Variants in EML6 observed in about 807,000 individuals in gnomAD.
The protein encoded by EML6 is EMAP like 6, also known as echinoderm microtubule-associated protein-like 6.
In EML6, 154 loss-of-function variants were observed where a neutral mutation model predicts 240.1. The ratio of observed to expected loss-of-function variants is 0.64; its 90% CI spans 0.56 to 0.73. The LOEUF (loss-of-function observed/expected upper bound fraction) is 0.73. EML6 is among the 30% of genes least tolerant of loss of function. The pLI, the probability that EML6 is intolerant of heterozygous loss-of-function variation, is 0.00. For synonymous variants in EML6, 1,148 were observed against 899.0 expected (o/e 1.28, Z -4.95); for missense variants, 2,964 against 2,474.6 (o/e 1.20, Z -4.20).
chr2:54,758,474 G>C (rs541314160), intron 2 of EML6, among the ~76,000 whole-genome samples: 141 of 152,168 alleles, frequency 9.3e-4, no homozygotes, highest in Non-Finnish European at 6.3e-4. Flanking sequence ...TCTCATCTTT[G>C]CTTCACTGTC....
chr2:54,891,469 T>G (rs1190992448), intron 18 of EML6, among the ~76,000 whole-genome samples: 2 of 152,188 alleles, frequency 1.3e-5, no homozygotes, highest in African/African-American at 4.8e-5. Context: ...AATAATCATT[T>G]TGGTTGAGTG....
chr2:54,789,397 C>T (rs936635795), intron 2 of EML6, among the ~76,000 whole-genome samples: 11 of 150,920 alleles, frequency 7.3e-5, no homozygotes, highest in African/African-American at 2.2e-4. Context: ...GCCTGTAGTC[C>T]CAGCTACTCG....
At chr2:54,746,952 A>C (rs1388870129) in intron 2 of EML6, among the ~76,000 whole-genome samples, 1 of 152,206 alleles carries the variant, frequency 6.6e-6, no homozygotes, top group Non-Finnish European at 1.5e-5. Flanking sequence ...TTTTTACTGA[A>C]TGTCAATTAC....
At chr2:54,767,597 AGTGTGT>A (rs111232633) in intron 2 of EML6, among the ~76,000 whole-genome samples, 267 of 145,552 alleles carry the variant, frequency 1.8e-3, no homozygotes, top group Middle Eastern at 0.014. Context: ...TGGTATGAAG[AGTGTGT>A]GTGTGTGTGT....
At chr2:54,900,198 G>A (rs185923079) in intron 22 of EML6, among the ~76,000 whole-genome samples, 1 of 152,298 alleles carries the variant, frequency 6.6e-6, no homozygotes, top group East Asian at 1.9e-4. Flanking sequence ...GAGTAAATAT[G>A]TCTTGAACAC....
In EML6 at chr2:54,879,656, G is replaced by A. The variant is rs748537427; in HGVS notation, c.2438+16G>A. The A allele has an allele frequency of 3.5e-6, 5 of 1,444,708 alleles. No individual in the cohort carries two copies. The South Asian group carries it at 6.1e-5, about 18-fold the overall frequency. The allele number at this position is 1,444,708 out of a possible 1,614,324, so 89.5% of individuals were successfully genotyped here. Reference sequence around the variant, plus strand: ...CCACAACAAGGTAAGAAGCTGCCGGGATCTTACGGTATCCTGCTGATACCA... The same window carrying A: ...CCACAACAAGGTAAGAAGCTGCCGGAATCTTACGGTATCCTGCTGATACCA... On this transcript the variant is annotated intron_variant, in intron 17 of 41. Transcript: ENST00000356458.
chr2:54,893,872 A>G (rs770122480), intron 19 of EML6, among the ~76,000 whole-genome samples: 1 of 152,152 alleles, frequency 6.6e-6, no homozygotes, highest in Non-Finnish European at 1.5e-5. Context: ...ATTGGTACAT[A>G]TGTTTTTGGT....
At chr2:54,951,052 T>C (rs1675949772) in intron 30 of EML6, among the ~76,000 whole-genome samples, 1 of 152,060 alleles carries the variant, frequency 6.6e-6, no homozygotes, top group African/African-American at 2.4e-5. Flanking sequence ...CCGACAGCCA[T>C]GGAGAAAAGC....
At chr2:54,804,541 G>T (rs980684321) in intron 2 of EML6, among the ~76,000 whole-genome samples, 1 of 152,172 alleles carries the variant, frequency 6.6e-6, no homozygotes, top group Non-Finnish European at 1.5e-5. Context: ...ATGTGACATA[G>T]CCATCAGACA....
intron 22 of EML6, 32 bp downstream of exon 22, chr2:54,899,814 G>T: frequency 6.6e-7 from 1 of 1,526,456 alleles, no homozygotes; most frequent in Non-Finnish European, 8.9e-7. Flanking sequence ...ATCTGTCAGA[G>T]TATTTACAAG....
intron 26 of EML6, among the ~76,000 whole-genome samples, chr2:54,923,494 C>T (rs981169930): frequency 6.6e-6 from 1 of 151,730 alleles, no homozygotes; most frequent in Non-Finnish European, 1.5e-5. Context: ...CTGTTGTACA[C>T]CTTGAATATA....
chr2:54,820,493 C>G (rs1351769967), intron 5 of EML6, 31 bp downstream of exon 5: 1 of 1,280,844 alleles, frequency 7.8e-7, no homozygotes, highest in African/African-American at 1.5e-5. Flanking sequence ...ATTTTGGTAC[C>G]TTGAGTGCAA....
intron 19 of EML6, among the ~76,000 whole-genome samples, chr2:54,893,788 G>T (rs1357567223): frequency 6.6e-6 from 1 of 152,168 alleles, no homozygotes; most frequent in Non-Finnish European, 1.5e-5. Flanking sequence ...TACAAAAGTA[G>T]GTTCTTGTTA....
intron 2 of EML6, among the ~76,000 whole-genome samples, chr2:54,785,039 AC>A (rs984057786): frequency 6.6e-6 from 1 of 151,954 alleles, no homozygotes. Flanking sequence ...CTTTGGGAAC[AC>A]CTCCAGCCTA....
In EML6 at chr2:54,950,798, A is replaced by T. The variant is rs1675936394; in HGVS notation, c.4213+19A>T. 3.9e-6 allele frequency: 6 copies of T among 1,544,400 alleles called. No homozygotes were observed. Among genetic ancestry groups the T allele is most frequent in the African/African-American group, 1.4e-5 (1 of 72,546 alleles). Reference sequence around the variant, plus strand: ...TCCACAGGTAACCGGGGGTTAAAAAATACAGGTTTTTCTTTTAGCTGTTTT... The same window carrying T: ...TCCACAGGTAACCGGGGGTTAAAAATTACAGGTTTTTCTTTTAGCTGTTTT... On this transcript the variant is annotated intron_variant, in intron 30 of 41. Transcript: ENST00000356458.
chr2:54,925,425 C>T (rs572328130), intron 26 of EML6, among the ~76,000 whole-genome samples: 1 of 152,280 alleles, frequency 6.6e-6, no homozygotes, highest in East Asian at 1.9e-4. Context: ...AGTTCTATGT[C>T]ATCAGTCTTG....
chr2:54,960,443 C>A (rs1676445526), intron 35 of EML6, 109 bp downstream of exon 35: 2 of 756,592 alleles, frequency 2.6e-6, no homozygotes, highest in Non-Finnish European at 2.2e-6. Flanking sequence ...TGAAACAAGG[C>A]CTCAATACAT....
chr2:54,894,693 G>C (rs1672666839), intron 19 of EML6, among the ~76,000 whole-genome samples: 1 of 152,112 alleles, frequency 6.6e-6, no homozygotes, highest in Non-Finnish European at 1.5e-5. Flanking sequence ...AGAGTGCAGT[G>C]GACACATGCT....
chr2:54,835,326 G>T (rs141709322), intron 7 of EML6, among the ~76,000 whole-genome samples: 1 of 152,214 alleles, frequency 6.6e-6, no homozygotes, highest in Non-Finnish European at 1.5e-5. Context: ...CACTTAGGAC[G>T]TGCCTAGTGT....
Sources: allele counts gnomAD v4.1 joint callset (sites outside exome capture counted in the v4.1 genomes callset), GRCh38; gene constraint gnomAD v4.1.1; transcripts MANE v1.5; gene names NCBI Gene and HGNC (gene_info 2026-07-23, HGNC 2026-07-21).